Variants in KIF26B observed in about 807,000 individuals in gnomAD.
KIF26B encodes kinesin family member 26B, also known as kinesin-like protein KIF26B.
KIF26B carries 63 observed loss-of-function variants against 151.2 expected under a neutral mutation model. The observed-to-expected ratio is 0.42, with a 90% CI of 0.34 to 0.51. The LOEUF (loss-of-function observed/expected upper bound fraction) is 0.51. Ranked by LOEUF, KIF26B falls within the 20% of genes least tolerant of loss-of-function variation. The pLI is 0.07. For synonymous variants in KIF26B, 1,357 were observed against 1,262.1 expected, an observed-to-expected ratio of 1.08 and a Z score of -1.59; for missense variants, 2,813 against 2,913.6, an observed-to-expected ratio of 0.97 and a Z score of 0.79.
At chr1:245,369,329 G>A (rs751486047) in intron 3 of KIF26B, among the ~76,000 whole-genome samples, 3 of 152,162 alleles carry the variant, frequency 2.0e-5, no homozygotes, top group Non-Finnish European at 2.9e-5. Flanking sequence ...GTTTTGTTAC[G>A]CCGGACAAGA....
chr1:245,264,368 GTCTT>G (rs1298064645), intron 2 of KIF26B, among the ~76,000 whole-genome samples: 1 of 152,146 alleles, frequency 6.6e-6, no homozygotes, highest in Admixed American at 6.5e-5. Flanking sequence ...GCTGATGACT[GTCTT>G]TATTGGTATC....
At chr1:245,432,397 C>T (rs1204482943) in intron 4 of KIF26B, among the ~76,000 whole-genome samples, 1 of 152,148 alleles carries the variant, frequency 6.6e-6, no homozygotes, top group Non-Finnish European at 1.5e-5. Flanking sequence ...ACCTGGTTGT[C>T]ATTTCAAGAT....
intron 2 of KIF26B, among the ~76,000 whole-genome samples, chr1:245,175,962 A>G (rs1429423905): frequency 4.1e-5 from 6 of 145,816 alleles, no homozygotes; most frequent in Admixed American, 2.7e-4. Context: ...ATCTATATCT[A>G]TATATATAGA....
rs190064785 is a variant in KIF26B at position 245,216,470 on chromosome 1, A to G, written c.465+59787A>G. 7.4e-3 allele frequency among the ~76,000 whole-genome samples: 1,105 copies of G among 150,202 alleles called. 5 individuals are homozygous for G. The highest frequency in any genetic ancestry group is 0.01 in the Non-Finnish European group (679 of 67,848). On this transcript the variant is annotated intron_variant, in intron 2 of 14. Coordinates refer to ENST00000407071, the MANE Select transcript of KIF26B (RefSeq NM_018012.4). ...AGAATATTACTTCTGTTGCTGTAGCACCAAACTATTAAAAATAAAACTGTC... is the reference window on the plus strand; with the variant it reads ...AGAATATTACTTCTGTTGCTGTAGCGCCAAACTATTAAAAATAAAACTGTC...
At chr1:245,258,301 CAGAAG>C (rs1338009970) in intron 2 of KIF26B, among the ~76,000 whole-genome samples, 2 of 152,192 alleles carry the variant, frequency 1.3e-5, no homozygotes, top group Non-Finnish European at 2.9e-5. Flanking sequence ...AGGTCTGACA[CAGAAG>C]AGACAAACAA....
intron 3 of KIF26B, among the ~76,000 whole-genome samples, chr1:245,374,346 G>A (rs564016814): frequency 2.4e-4 from 36 of 151,494 alleles, no homozygotes; most frequent in Admixed American, 8.6e-4. Context: ...AGGCTTTGCC[G>A]ATTGTGGCTT....
intron 2 of KIF26B, among the ~76,000 whole-genome samples, chr1:245,345,586 C>T (rs755408186): frequency 6.6e-6 from 1 of 151,524 alleles, no homozygotes; most frequent in African/African-American, 2.4e-5. Flanking sequence ...GTGATCCCAG[C>T]GTGGGAGGTG....
chr1:245,464,956 G>A (rs554653421), intron 4 of KIF26B, among the ~76,000 whole-genome samples: 4 of 151,648 alleles, frequency 2.6e-5, no homozygotes, highest in East Asian at 3.9e-4. Context: ...GCACCCAGCC[G>A]CAGATTACCT....
At chr1:245,499,888 A>G (rs986141815) in intron 4 of KIF26B, among the ~76,000 whole-genome samples, 1 of 152,244 alleles carries the variant, frequency 6.6e-6, no homozygotes, top group Admixed American at 6.5e-5. Context: ...TGGGGAATGT[A>G]TCAAACGGTC....
At chr1:245,546,441 C>CA (rs113340668) in intron 5 of KIF26B, among the ~76,000 whole-genome samples, 2,934 of 152,166 alleles carry the variant, frequency 0.019, 112 homozygotes, top group African/African-American at 0.066. Context: ...GAGGTGATGC[C>CA]GGGGAAAATC....
rs1319453519 is a variant in KIF26B at position 245,563,584 on chromosome 1, C to T, written c.1350+22634C>T. Among the ~76,000 whole-genome samples, 1 of 152,194 alleles carries T rather than the reference C, an allele frequency of 6.6e-6. No individual in the cohort carries two copies. Among genetic ancestry groups the T allele is most frequent in the South Asian group, 2.1e-4 (1 of 4,826 alleles). ...ACACATGGCTGACAGATTCCGGAGG[C>T]CTTCAACTCCCACCTATGAAGCAGC... On this transcript the variant is annotated intron_variant, in intron 5 of 14. Transcript: ENST00000407071. This position sits in a 1 kb window ranked among gnomAD's most constrained non-coding sequence, Gnocchi z 4.6.
At chr1:245,633,705 A>G (rs1336960969) in intron 9 of KIF26B, among the ~76,000 whole-genome samples, 1 of 152,138 alleles carries the variant, frequency 6.6e-6, no homozygotes, top group Non-Finnish European at 1.5e-5. Flanking sequence ...GATAGCTTTC[A>G]GCAATATTTC....
intron 9 of KIF26B, among the ~76,000 whole-genome samples, chr1:245,627,659 G>A (rs1469900395): frequency 2.0e-5 from 3 of 150,982 alleles, no homozygotes; most frequent in East Asian, 1.9e-4. Flanking sequence ...TTGGAGATGC[G>A]AAAAACCCTT....
intron 3 of KIF26B, among the ~76,000 whole-genome samples, chr1:245,386,182 A>C (rs1673539420): frequency 6.6e-6 from 1 of 152,146 alleles, no homozygotes; most frequent in African/African-American, 2.4e-5. Flanking sequence ...CGAAGGTTGC[A>C]GTGAGTTGAG....
At chr1:245,379,231 A>G (rs1673345759) in intron 3 of KIF26B, among the ~76,000 whole-genome samples, 1 of 152,206 alleles carries the variant, frequency 6.6e-6, no homozygotes, top group Non-Finnish European at 1.5e-5. Context: ...AGAATGTCAT[A>G]TTTTAAGTAG....
intron 5 of KIF26B, among the ~76,000 whole-genome samples, chr1:245,566,662 G>T (rs964150263): frequency 1.3e-5 from 2 of 152,202 alleles, no homozygotes; most frequent in African/African-American, 2.4e-5. Flanking sequence ...GGGCGTGGTG[G>T]CTCACACTTG....
chr1:245,480,621 C>T (rs934367643), intron 4 of KIF26B, among the ~76,000 whole-genome samples: 7 of 151,578 alleles, frequency 4.6e-5, no homozygotes, highest in African/African-American at 9.7e-5. Context: ...GCAGAGTGAC[C>T]GGGTATACAG....
In KIF26B at chr1:245,367,040, C is replaced by G. The variant is rs1406435174; in HGVS notation, c.672C>G (p.Leu224=). 1 of 1,610,432 alleles carries G rather than the reference C, an allele frequency of 6.2e-7. No homozygotes were observed. Among genetic ancestry groups the G allele is most frequent in the Non-Finnish European group, 8.5e-7 (1 of 1,178,458 alleles). ...YDASPCSPPP[L]SNIPTLVGSR... ...CCTCGCCCTGCTCCCCGCCACCGCT[C>G]TCCAACATCCCCACCCTGGTGGGGT... The change falls in exon 3 of 15, where the codon CTC becomes CTG. Residue 224 remains leucine, a synonymous_variant. Coordinates refer to ENST00000407071, the MANE Select transcript of KIF26B (RefSeq NM_018012.4). The surrounding 1 kb of genome is among the most constrained non-coding windows in gnomAD (Gnocchi z 4.2).
At chr1:245,260,318 C>T (rs1670610301) in intron 2 of KIF26B, among the ~76,000 whole-genome samples, 1 of 152,118 alleles carries the variant, frequency 6.6e-6, no homozygotes, top group Admixed American at 6.5e-5. Flanking sequence ...GTAATTCAGG[C>T]CAGTGCAGTA....
Sources: allele counts gnomAD v4.1 joint callset (sites outside exome capture counted in the v4.1 genomes callset), GRCh38; gene constraint gnomAD v4.1.1; non-coding constraint Gnocchi (gnomAD v3.1); transcripts MANE v1.5; gene names NCBI Gene and HGNC (gene_info 2026-07-23, HGNC 2026-07-21).